The following FOXP1 variants were observed in gnomAD, a reference collection of about 807,000 sequenced individuals.
FOXP1 encodes the protein forkhead box protein P1.
FOXP1 carries 15 observed loss-of-function variants against 98.2 expected under a neutral mutation model. That is an observed-to-expected ratio of 0.15 (90% CI 0.10 to 0.24). FOXP1 has a LOEUF of 0.24. Ranked by LOEUF, FOXP1 falls within the 10% of genes least tolerant of loss-of-function variation. FOXP1 has a pLI of 1.00. For missense variants in FOXP1, 633 were observed against 848.5 expected, an observed-to-expected ratio of 0.75 and a Z score of 3.15; for synonymous variants, 371 against 314.5, an observed-to-expected ratio of 1.18 and a Z score of -1.90.
chr3:71,424,765 T>A (rs1161119324), intron 3 of FOXP1, among the ~76,000 whole-genome samples: 1 of 152,224 alleles, frequency 6.6e-6, no homozygotes, highest in African/African-American at 2.4e-5. Flanking sequence ...AACTGCTGCC[T>A]ATGCTGGGCT....
intron 14 of FOXP1, among the ~76,000 whole-genome samples, chr3:70,978,692 A>T (rs1476852990): frequency 6.6e-6 from 1 of 152,192 alleles, no homozygotes; most frequent in Non-Finnish European, 1.5e-5. Flanking sequence ...ACTCATATTA[A>T]ACACAATGGG....
chr3:71,487,191 A>G (rs925244917), intron 3 of FOXP1, among the ~76,000 whole-genome samples: 5 of 152,128 alleles, frequency 3.3e-5, no homozygotes, highest in African/African-American at 9.7e-5. Context: ...ATAATATTTC[A>G]CAGACATAAC....
chr3:70,989,055 T>C (rs967376784), intron 13 of FOXP1, among the ~76,000 whole-genome samples: 8 of 152,184 alleles, frequency 5.3e-5, no homozygotes, highest in Non-Finnish European at 1.2e-4. Flanking sequence ...GAGGGACTCA[T>C]TAGTTCTGTC....
intron 1 of FOXP1, chr3:71,582,078 T>TG (rs1302803051): frequency 1.4e-5 from 12 of 887,572 alleles, no homozygotes; most frequent in East Asian, 1.6e-4. Context: ...TGCGCGGGAA[T>TG]GGGGGGCTGC....
In FOXP1 at chr3:71,198,311, T is replaced by G. The variant is rs372024541; in HGVS notation, c.71A>C (p.Asn24Thr). ...AAGACCGCCGCACTCTAGTAAGTGG[T>G]TGCTGCCGCCCGACCCATTCTGGAT... ...SAIQNGSGGS[N>T]HLLECGGLRE... Residue 24 changes from asparagine to threonine, a missense_variant, in exon 6 of 21, where the codon AAC becomes ACC. This residue lies in a region of FOXP1 where 103 missense variants were observed against 85.5 expected (regional missense o/e 1.20). Coordinates refer to ENST00000649528, the MANE Select transcript of FOXP1 (RefSeq NM_001349338.3). 4 of 1,613,870 alleles carry G rather than the reference T, an allele frequency of 2.5e-6. No homozygotes were observed. In the African/African-American group the frequency reaches 5.3e-5, roughly 22 times the overall value.
chr3:71,568,099 A>T (rs2047054107), intron 2 of FOXP1, among the ~76,000 whole-genome samples: 1 of 149,464 alleles, frequency 6.7e-6, no homozygotes, highest in Non-Finnish European at 1.5e-5. Flanking sequence ...TTAAAAAAAG[A>T]AAGAAAAGGA....
At chr3:71,055,732 C>T (rs1043201877) in intron 7 of FOXP1, among the ~76,000 whole-genome samples, 6 of 152,146 alleles carry the variant, frequency 3.9e-5, no homozygotes, top group African/African-American at 1.4e-4. Flanking sequence ...CTAAAGCCAG[C>T]GTATCACAAT....
chr3:71,479,151 G>A (rs756875525), intron 3 of FOXP1, among the ~76,000 whole-genome samples: 6 of 152,188 alleles, frequency 3.9e-5, no homozygotes, highest in Non-Finnish European at 7.3e-5. Flanking sequence ...AGGGCTGGGC[G>A]TGGTGGTCAC....
intron 5 of FOXP1, among the ~76,000 whole-genome samples, chr3:71,260,167 T>C (rs1413671240): frequency 6.6e-6 from 1 of 152,114 alleles, no homozygotes; most frequent in Non-Finnish European, 1.5e-5. Context: ...GTATTTTTAG[T>C]ACAGGCGGGG....
chr3:71,047,429 T>C (rs1339927520), intron 9 of FOXP1, among the ~76,000 whole-genome samples: 1 of 152,228 alleles, frequency 6.6e-6, no homozygotes, highest in African/African-American at 2.4e-5. Flanking sequence ...GAGAGAAGAC[T>C]GCATCACTCT....
At chr3:71,389,239 G>T (rs1343578170) in intron 3 of FOXP1, among the ~76,000 whole-genome samples, 1 of 51,022 alleles carries the variant, frequency 2.0e-5, no homozygotes, top group Non-Finnish European at 4.2e-5. Context: ...TGTAAGCGGC[G>T]GGGGGGGGGG....
intron 3 of FOXP1, among the ~76,000 whole-genome samples, chr3:71,369,235 A>C (rs1467857979): frequency 6.6e-6 from 1 of 152,142 alleles, no homozygotes; most frequent in South Asian, 2.1e-4. Flanking sequence ...TAAAAATAGA[A>C]ACAAATTAGC....
At chr3:71,440,638 G>A (rs1264912375) in intron 3 of FOXP1, among the ~76,000 whole-genome samples, 1 of 151,694 alleles carries the variant, frequency 6.6e-6, no homozygotes, top group Non-Finnish European at 1.5e-5. Flanking sequence ...AGAGGTTGCA[G>A]TGAGCCAAGG....
Position 70,957,435 on chromosome 3 carries a change from G to C in FOXP1, c.*1812C>G, listed in dbSNP as rs1360807673. ...GCCTCTAAATTCTTTTGCCTCCTTT[G>C]ATCAACAATAAGAGGATATTTGGCT... On this transcript the variant is annotated 3_prime_UTR_variant, in exon 21 of 21. Transcript: ENST00000649528. The C allele has an allele frequency of 1.3e-5, 3 of 230,002 alleles. No individual in the cohort carries two copies. The highest frequency in any genetic ancestry group is 2.6e-5 in the Non-Finnish European group (3 of 115,942). 14.2% of individuals were successfully genotyped at this position (230,002 alleles called of 1,614,324 possible). A position where few individuals can be genotyped will look rare whatever the true frequency, so the allele number is the denominator to read the frequency against.
At chr3:71,130,652 A>G (rs747186250) in intron 6 of FOXP1, 63 of 1,596,638 alleles carry the variant, frequency 3.9e-5, no homozygotes, top group Non-Finnish European at 5.3e-5. Flanking sequence ...GTGCGGCTGA[A>G]GCACACTCGA....
intron 17 of FOXP1, among the ~76,000 whole-genome samples, chr3:70,975,927 T>A (rs1050546088): frequency 6.6e-6 from 1 of 152,172 alleles, no homozygotes; most frequent in African/African-American, 2.4e-5. Context: ...CAAGCACTAC[T>A]GGGGGCATCC....
chr3:71,356,700 G>A (rs1327251894), intron 4 of FOXP1, among the ~76,000 whole-genome samples: 1 of 152,182 alleles, frequency 6.6e-6, no homozygotes, highest in Non-Finnish European at 1.5e-5. Flanking sequence ...CAGCCAGGAA[G>A]TGGAAAAGGT....
intron 5 of FOXP1, among the ~76,000 whole-genome samples, chr3:71,249,350 T>C (rs2107025425): frequency 6.6e-6 from 1 of 152,262 alleles, no homozygotes; most frequent in South Asian, 2.1e-4. Context: ...ACATAAACAA[T>C]AACAAAAACA....
At chr3:71,405,232 G>C (rs2082235559) in intron 3 of FOXP1, among the ~76,000 whole-genome samples, 1 of 152,186 alleles carries the variant, frequency 6.6e-6, no homozygotes, top group Non-Finnish European at 1.5e-5. Flanking sequence ...GGCCTTTTCT[G>C]ATGCCTGCCA....
Sources: allele counts gnomAD v4.1 joint callset (sites outside exome capture counted in the v4.1 genomes callset), GRCh38; gene constraint gnomAD v4.1.1; regional missense constraint gnomAD v4.1.1; transcripts MANE v1.5; gene names NCBI Gene and HGNC (gene_info 2026-07-23, HGNC 2026-07-21).